The following BRD7 variants were observed in gnomAD, a reference collection of about 807,000 sequenced individuals.
BRD7 encodes bromodomain containing 7, also known as bromodomain-containing protein 7.
A neutral mutation model predicts 82.1 loss-of-function variants in BRD7; 15 were observed. The observed-to-expected ratio is 0.18, with a 90% confidence interval of 0.12 to 0.28. BRD7 has a LOEUF of 0.28. BRD7 is among the 10% of genes least tolerant of loss of function. The pLI is 1.00. For synonymous variants in BRD7, 232 were observed against 266.9 expected (o/e 0.87, Z 1.27); for missense variants, 638 against 779.9 (o/e 0.82, Z 2.17).
At chr16:50,328,897 G>A (rs747258100) in intron 8 of BRD7, among the ~76,000 whole-genome samples, 153 bp from the exon 9 acceptor site, 2 of 152,146 alleles carry the variant, frequency 1.3e-5, no homozygotes, top group Non-Finnish European at 2.9e-5. Flanking sequence ...ATATCTTAGG[G>A]ATGGAACATA....
chr16:50,325,263 G>A (rs2037288428), intron 11 of BRD7, among the ~76,000 whole-genome samples: 1 of 152,108 alleles, frequency 6.6e-6, no homozygotes, highest in Admixed American at 6.5e-5. Context: ...AATAAAGAAT[G>A]GTTGAGTTTA....
chr16:50,346,780 C>A (rs1390733090), intron 5 of BRD7, among the ~76,000 whole-genome samples: 2 of 152,010 alleles, frequency 1.3e-5, no homozygotes, highest in East Asian at 3.9e-4. Context: ...AGCCTACCAA[C>A]CAAAAAAAGT....
rs768675621 is a variant in BRD7, at chr16:50,368,686, C to G, written c.49+40G>C. On this transcript the variant is annotated intron_variant, in intron 1 of 16. Coordinates refer to ENST00000394688, the MANE Select transcript of BRD7 (RefSeq NM_013263.5). ...GGAAAGAGCGGAAGCCCGGCAGAGC[C>G]GCCGAGGGCCCGCCGCCCGCACCCC... 33 of 1,538,808 alleles carry G rather than the reference C, an allele frequency of 2.1e-5. No individual in the cohort carries two copies. In the South Asian group the frequency reaches 3.5e-4, roughly 16 times the overall value.
intron 8 of BRD7, among the ~76,000 whole-genome samples, chr16:50,329,438 A>G (rs1164216351): frequency 4.6e-5 from 7 of 152,172 alleles, no homozygotes; most frequent in Admixed American, 4.6e-4. Flanking sequence ...GTCCCTGTTA[A>G]ATGTTTCTTT....
At chr16:50,331,480 T>C (rs549000035) in intron 8 of BRD7, among the ~76,000 whole-genome samples, 9 of 152,212 alleles carry the variant, frequency 5.9e-5, no homozygotes, top group Admixed American at 2.0e-4. Flanking sequence ...GTTGGGTGGA[T>C]TGCTTGAGTT....
At chr16:50,349,438 A>T (rs558679222) in intron 5 of BRD7, 2 of 376,814 alleles carry the variant, frequency 5.3e-6, no homozygotes, top group East Asian at 8.1e-5. Context: ...AAAAAAAAAG[A>T]AAGTGTGTAG....
In BRD7 at chr16:50,365,676, G is replaced by GA. The variant is rs372209271; in HGVS notation, c.258+2413dup. On this transcript the variant is annotated intron_variant, in intron 2 of 16. Coordinates refer to ENST00000394688, the MANE Select transcript of BRD7 (RefSeq NM_013263.5). ...TTCAAAAAGGACAGTTAGAGAACAAGAAAAAATTCTTGGAAATTCAAGGTA... is the reference window on the plus strand; with the variant it reads ...TTCAAAAAGGACAGTTAGAGAACAAGAAAAAAATTCTTGGAAATTCAAGGTA... Among the ~76,000 whole-genome samples the GA allele has an allele frequency of 7.9e-5, 12 of 152,076 alleles. No homozygotes were observed. The South Asian group carries it at 1.4e-3, about 18-fold the overall frequency.
At position 50,325,834 on chromosome 16, in the gene BRD7, G is replaced by C; in HGVS notation, c.1245C>G (p.Asp415Glu). ...CCTTGCTGATATTTGCAAATGTGGA[G>C]TCATAATGCGGTGCATAAGAACTGT... is the stretch of plus-strand genomic sequence containing the variant. ...GPYSSYAPHY[D>E]STFANISKDD... Residue 415 changes from aspartate to glutamate, a missense_variant, in exon 11 of 17, where the codon GAC (aspartate) becomes GAG (glutamate). Asp to Glu is a conservative substitution (Grantham distance 45). Coordinates refer to ENST00000394688, the MANE Select transcript of BRD7 (RefSeq NM_013263.5). 6.2e-7 allele frequency: 1 copy of C among 1,612,348 alleles called. No homozygotes were observed. Among genetic ancestry groups the C allele is most frequent in the Non-Finnish European group, 8.5e-7 (1 of 1,179,492 alleles).
chr16:50,321,465 G>A (rs1201994983), intron 13 of BRD7, among the ~76,000 whole-genome samples: 6 of 150,594 alleles, frequency 4.0e-5, no homozygotes, highest in African/African-American at 1.5e-4. Flanking sequence ...TACTCGGGAG[G>A]CAGAGGCAAG....
chr16:50,356,788 A>C (rs1271659139), intron 2 of BRD7, among the ~76,000 whole-genome samples: 2 of 151,896 alleles, frequency 1.3e-5, no homozygotes, highest in African/African-American at 4.8e-5. Context: ...AGATCTGTTA[A>C]AGCTGGATGG....
In BRD7 at chr16:50,368,806, G is replaced by GCCAGGC. The variant is rs2039264066; in HGVS notation, c.-38_-33dup. ...CCGGGCCCCGGTGCCCGCCCCCCGC[G>GCCAGGC]CCAGGCCCAGGCCGTGCGGCGCCGC... On this transcript the variant is annotated 5_prime_UTR_variant, in exon 1 of 17. Transcript: ENST00000394688. 3 of 1,505,924 alleles carry GCCAGGC rather than the reference G, an allele frequency of 2.0e-6. No homozygotes were observed. The highest frequency in any genetic ancestry group is 1.5e-5 in the African/African-American group (1 of 68,388). 93.3% of individuals were successfully genotyped at this position (1,505,924 alleles called of 1,614,324 possible). A position where few individuals can be genotyped will look rare whatever the true frequency, so the allele number is the denominator to read the frequency against.
chr16:50,334,723 T>C lies in BRD7; in HGVS notation c.875A>G (p.Lys292Arg), dbSNP rs1358422897. 1 of 1,613,326 alleles carries C rather than the reference T, an allele frequency of 6.2e-7. No individual in the cohort carries two copies. Among genetic ancestry groups the C allele is most frequent in the Admixed American group, 1.7e-5 (1 of 59,762 alleles). Residue 292 changes from lysine (K) to arginine (R), a missense_variant, in exon 7 of 17, where the codon AAA becomes AGA. Physicochemically the swap from Lys to Arg is conservative, Grantham distance 26 (BLOSUM62 2). Coordinates refer to ENST00000394688, the MANE Select transcript of BRD7 (RefSeq NM_013263.5). ...AEAHAFKSPSKENKKKDKDML... is the reference protein window; with the variant it reads ...AEAHAFKSPSRENKKKDKDML... ...AAAGATCTTTTACTTTTTATTTTCT[T>C]TGCTGGGACTCTTGAAGGCGTGTGC...
At chr16:50,320,185 T>A (rs1353051527) in intron 15 of BRD7, 63 bp downstream of exon 15, 4 of 1,563,828 alleles carry the variant, frequency 2.6e-6, no homozygotes. Context: ...ATCACCACTG[T>A]ACTCAAGAAG....
chr16:50,360,506 A>C (rs1696973699), intron 2 of BRD7, among the ~76,000 whole-genome samples: 1 of 152,224 alleles, frequency 6.6e-6, no homozygotes, highest in African/African-American at 2.4e-5. Context: ...TACACACGTT[A>C]GCCATTAGCT....
At chr16:50,341,940 A>T (rs1356428369) in intron 5 of BRD7, among the ~76,000 whole-genome samples, 1 of 149,440 alleles carries the variant, frequency 6.7e-6, no homozygotes, top group African/African-American at 2.5e-5. Flanking sequence ...ACACACACAC[A>T]CACACACACA....
intron 16 of BRD7, among the ~76,000 whole-genome samples, chr16:50,319,560 C>A (rs2036979351): frequency 6.6e-6 from 1 of 152,078 alleles, no homozygotes; most frequent in Non-Finnish European, 1.5e-5. Flanking sequence ...TCCACATCTG[C>A]AGATTCAACC....
At chr16:50,337,921 G>C (rs889281714) in intron 6 of BRD7, among the ~76,000 whole-genome samples, 4 of 151,964 alleles carry the variant, frequency 2.6e-5, no homozygotes, top group African/African-American at 9.6e-5. Flanking sequence ...GGGAGAGAGG[G>C]AAGGGAAAGT....
In BRD7 at chr16:50,318,370, C is replaced by CCTT. The variant is rs2036916525; in HGVS notation, c.*838_*840dup. On this transcript the variant is annotated 3_prime_UTR_variant, in exon 17 of 17. Coordinates refer to ENST00000394688, the MANE Select transcript of BRD7 (RefSeq NM_013263.5). ...GATTTATAGAAGGATTGTATAAGGG[C>CCTT]CTTCAAACTTAATTTGTTCACTGAA... 1 of 151,722 alleles carries CCTT rather than the reference C, an allele frequency of 6.6e-6. No individual in the cohort carries two copies. Among genetic ancestry groups the CCTT allele is most frequent in the African/African-American group, 2.4e-5 (1 of 41,226 alleles). The allele number at this position is 151,722 out of a possible 1,614,324, so 9.4% of individuals were successfully genotyped here.
chr16:50,332,750 CTAGGTAAA>C (rs781704970), intron 8 of BRD7, among the ~76,000 whole-genome samples: 2 of 152,054 alleles, frequency 1.3e-5, no homozygotes, highest in Non-Finnish European at 2.9e-5. Context: ...CAACAAAGGA[CTAGGTAAA>C]GAAAATGCGG....
Sources: gnomAD v4.1 joint callset for allele counts (sites outside exome capture counted in the v4.1 genomes callset) on GRCh38, gnomAD v4.1.1 for gene constraint, MANE v1.5 for transcripts, NCBI Gene and HGNC (gene_info 2026-07-23, HGNC 2026-07-21) for gene names.